The following PDE3A variants were observed in gnomAD, a reference collection of about 807,000 sequenced individuals.
PDE3A encodes the protein phosphodiesterase 3A.
Under a neutral mutation model 98.3 loss-of-function variants are expected in PDE3A, and 43 were observed. The observed-to-expected ratio is 0.44, with a 90% CI of 0.34 to 0.56. The LOEUF is 0.56. PDE3A is among the 20% of genes least tolerant of loss of function. The pLI is 0.01. For synonymous variants in PDE3A, 663 were observed against 567.9 expected (o/e 1.17, Z -2.38); for missense variants, 1,427 against 1,440.7 (o/e 0.99, Z 0.15).
intron 2 of PDE3A, among the ~76,000 whole-genome samples, chr12:20,569,132 T>G (rs948901637): frequency 6.6e-6 from 1 of 152,074 alleles, no homozygotes; most frequent in African/African-American, 2.4e-5. Flanking sequence ...AAGTAAGATA[T>G]TTTATTAACA....
At chr12:20,646,362 A>C in intron 10 of PDE3A, 128 bp from the exon 11 acceptor site, 1 of 615,054 alleles carries the variant, frequency 1.6e-6, no homozygotes, top group Non-Finnish European at 2.9e-6. Context: ...TTTGTCCTAG[A>C]AAGTTTGGCC....
chr12:20,661,356 A>T (rs1202895427), intron 15 of PDE3A, among the ~76,000 whole-genome samples: 1 of 152,230 alleles, frequency 6.6e-6, no homozygotes, highest in African/African-American at 2.4e-5. Flanking sequence ...TAGAAAAGAA[A>T]ATCCCATTTT....
chr12:20,550,962 T>C (rs1942183081), intron 1 of PDE3A, among the ~76,000 whole-genome samples: 1 of 150,930 alleles, frequency 6.6e-6, no homozygotes, highest in South Asian at 2.1e-4. Context: ...TCAAAGGGTA[T>C]GAATTTTTAA....
chr12:20,473,673 CTT>C (rs1398641279), intron 1 of PDE3A, among the ~76,000 whole-genome samples: 2 of 152,020 alleles, frequency 1.3e-5, no homozygotes, highest in African/African-American at 4.8e-5. Context: ...GCATGGATCT[CTT>C]AAAAATAGAA....
At chr12:20,462,590 C>T (rs907176178) in intron 1 of PDE3A, among the ~76,000 whole-genome samples, 1 of 152,014 alleles carries the variant, frequency 6.6e-6, no homozygotes, top group Non-Finnish European at 1.5e-5. Flanking sequence ...CTCAGAGTGG[C>T]CGTATAGATA....
At chr12:20,438,749 C>T (rs778946025) in intron 1 of PDE3A, among the ~76,000 whole-genome samples, 17 of 148,932 alleles carry the variant, frequency 1.1e-4, no homozygotes, top group Non-Finnish European at 1.9e-4. Context: ...ATTCTCTTGT[C>T]ACTTAAGATG....
intron 15 of PDE3A, among the ~76,000 whole-genome samples, chr12:20,671,101 G>T (rs1945465931): frequency 7.2e-6 from 1 of 139,638 alleles, no homozygotes; most frequent in African/African-American, 2.9e-5. Context: ...AAATCTAGAA[G>T]AAATGGATAA....
chr12:20,370,167 G>T lies in PDE3A; in HGVS notation c.883G>T (p.Val295Phe). Residue 295 changes from valine to phenylalanine, a missense_variant, in exon 1 of 16, where the codon GTC (valine) becomes TTC (phenylalanine). Val to Phe is a conservative substitution (Grantham distance 50). Coordinates refer to ENST00000359062, the MANE Select transcript of PDE3A (RefSeq NM_000921.5). ...VFKRRRRSSS[V>F]VSAEMSGCSS... is the part of the protein sequence containing the mutation. ...TAAGAGGAGGAGGCGGTCCAGCTCC[G>T]TCGTGTCCGCCGAGATGTCCGGCTG... The T allele has an allele frequency of 6.2e-7, 1 of 1,612,434 alleles. No individual in the cohort carries two copies. The highest frequency in any genetic ancestry group is 8.5e-7 in the Non-Finnish European group (1 of 1,179,406).
intron 1 of PDE3A, among the ~76,000 whole-genome samples, chr12:20,481,859 T>G (rs1338769762): frequency 7.5e-6 from 1 of 132,716 alleles, no homozygotes; most frequent in African/African-American, 2.8e-5. Flanking sequence ...CCGCCTCCCG[T>G]GTTCACGCCG....
At chr12:20,506,078 G>A (rs1360932272) in intron 1 of PDE3A, among the ~76,000 whole-genome samples, 1 of 146,896 alleles carries the variant, frequency 6.8e-6, no homozygotes, top group African/African-American at 2.5e-5. Context: ...GGGTCAAGGA[G>A]CTATGGGAAC....
At chr12:20,645,552 G>C (rs909629949) in intron 10 of PDE3A, among the ~76,000 whole-genome samples, 2 of 151,990 alleles carry the variant, frequency 1.3e-5, no homozygotes, top group Non-Finnish European at 2.9e-5. Flanking sequence ...ATAAAGTATA[G>C]GTATTTACAA....
intron 1 of PDE3A, among the ~76,000 whole-genome samples, chr12:20,522,618 G>A (rs78915366): frequency 0.016 from 2,364 of 152,218 alleles, 70 homozygotes; most frequent in African/African-American, 0.055. Flanking sequence ...TGGTTATCTC[G>A]GTTAGAGATT....
chr12:20,415,598 C>A (rs1020266486), intron 1 of PDE3A, among the ~76,000 whole-genome samples: 4 of 151,940 alleles, frequency 2.6e-5, no homozygotes, highest in Non-Finnish European at 5.9e-5. Flanking sequence ...CCATCATGCC[C>A]AGCTAATTTT....
rs1254971997 is a variant in PDE3A at position 20,369,731 on chromosome 12, C to T, written c.447C>T (p.Tyr149=). The change falls in exon 1 of 16, where the codon TAC becomes TAT. Residue 149 remains tyrosine (Y), a synonymous_variant. Coordinates refer to ENST00000359062, the MANE Select transcript of PDE3A (RefSeq NM_000921.5). ...LLCAFFWMGL[Y]LLRAGVRLPL... is the part of the protein sequence containing the mutation. ...GTGCCTTCTTCTGGATGGGCTTGTA[C>T]CTCCTGCGCGCCGGGGTGCGCCTGC... The T allele has an allele frequency of 1.9e-6, 3 of 1,612,212 alleles. No homozygotes were observed. The highest frequency in any genetic ancestry group is 2.2e-5 in the East Asian group (1 of 44,772).
At chr12:20,496,297 C>A (rs1945917902) in intron 1 of PDE3A, among the ~76,000 whole-genome samples, 2 of 152,162 alleles carry the variant, frequency 1.3e-5, no homozygotes, top group Non-Finnish European at 2.9e-5. Flanking sequence ...TATTGAAAGG[C>A]CAGAGCCATC....
At chr12:20,413,058 A>G (rs1261267249) in intron 1 of PDE3A, among the ~76,000 whole-genome samples, 1 of 152,258 alleles carries the variant, frequency 6.6e-6, no homozygotes, top group East Asian at 1.9e-4. Flanking sequence ...ACAGAGTAAC[A>G]CTATTCTGTC....
chr12:20,477,183 C>T (rs926040787), intron 1 of PDE3A, among the ~76,000 whole-genome samples: 3 of 152,132 alleles, frequency 2.0e-5, no homozygotes, highest in Non-Finnish European at 4.4e-5. Flanking sequence ...GTGATGTTTT[C>T]AAGAACTTCA....
At chr12:20,593,269 A>G (rs1943382940) in intron 2 of PDE3A, among the ~76,000 whole-genome samples, 1 of 152,204 alleles carries the variant, frequency 6.6e-6, no homozygotes, top group African/African-American at 2.4e-5. Context: ...AATCCAGGTT[A>G]GCTGGAGGGA....
intron 4 of PDE3A, among the ~76,000 whole-genome samples, chr12:20,617,456 A>T (rs889589374): frequency 5.3e-5 from 8 of 152,158 alleles, no homozygotes; most frequent in African/African-American, 1.9e-4. Flanking sequence ...AAACTTGTAA[A>T]TGAGACAAGA....
Sources: gnomAD v4.1 joint callset for allele counts (sites outside exome capture counted in the v4.1 genomes callset) on GRCh38, gnomAD v4.1.1 for gene constraint, MANE v1.5 for transcripts, NCBI Gene and HGNC (gene_info 2026-07-23, HGNC 2026-07-21) for gene names.